Variants in SOCS2 observed in about 807,000 individuals in gnomAD.
SOCS2 encodes suppressor of cytokine signaling 2.
In SOCS2, 10 loss-of-function variants were observed where a neutral mutation model predicts 18.6. The ratio of observed to expected loss-of-function variants is 0.54; its 90% CI spans 0.33 to 0.91. The LOEUF (loss-of-function observed/expected upper bound fraction) is 0.91. SOCS2 is among the 40% of genes least tolerant of loss of function. The pLI, the probability that SOCS2 is intolerant of heterozygous loss-of-function variation, is 0.02. For missense variants in SOCS2, 231 were observed against 247.2 expected (o/e 0.93, Z 0.44); for synonymous variants, 104 against 104.0 (o/e 1.00, Z 0.00).
At chr12:93,614,480 T>G in the SOCS2 span, among the ~76,000 whole-genome samples, 2 of 26,134 alleles carry the variant, frequency 7.7e-5, no homozygotes, top group Non-Finnish European at 1.3e-4. Flanking sequence ...CCTTCCTTCC[T>G]TTCCTTCCTT....
chr12:93,595,308 G>A, the SOCS2 span, among the ~76,000 whole-genome samples: 1 of 152,066 alleles, frequency 6.6e-6, no homozygotes, highest in Non-Finnish European at 1.5e-5. Flanking sequence ...GTACATTTTA[G>A]AATTTTTTCC....
chr12:93,578,601 T>G (rs1030952480), downstream of SOCS2, among the ~76,000 whole-genome samples: 5 of 152,010 alleles, frequency 3.3e-5, no homozygotes, highest in African/African-American at 1.2e-4. Flanking sequence ...ATTTTAAAGC[T>G]TGAAACCACT....
the SOCS2 span, among the ~76,000 whole-genome samples, chr12:93,618,356 G>A: frequency 2.6e-5 from 4 of 152,172 alleles, no homozygotes; most frequent in African/African-American, 7.2e-5. Context: ...GAAGATGATA[G>A]TTTTTAAATA....
Position 93,575,523 on chromosome 12 carries a change from T to C in SOCS2, c.*344T>C, listed in dbSNP as rs76627560. The C allele has an allele frequency of 9.7e-3, 1,560 of 161,244 alleles. 23 individuals carry two copies. The highest frequency in any genetic ancestry group is 0.036 in the African/African-American group (1,489 of 41,652). 10.0% of individuals were successfully genotyped at this position (161,244 alleles called of 1,614,324 possible). On this transcript the variant is annotated 3_prime_UTR_variant, in exon 2 of 2. Coordinates refer to ENST00000551556, the MANE Select transcript of SOCS2 (RefSeq NM_001270471.2). ...ATTATGTCAAAGGTCCAGGCTCCAG[T>C]AGGAGAGAAAGAACTCCTCATAGGA...
At chr12:93,623,277 C>T in the SOCS2 span, among the ~76,000 whole-genome samples, 6 of 152,092 alleles carry the variant, frequency 3.9e-5, no homozygotes, top group African/African-American at 1.2e-4. Context: ...GTAAGACGTG[C>T]CTTGCTTCCC....
the SOCS2 span, among the ~76,000 whole-genome samples, chr12:93,595,300 A>G: frequency 7.2e-5 from 11 of 152,184 alleles, no homozygotes; most frequent in African/African-American, 2.7e-4. Flanking sequence ...AAAAGGAGGT[A>G]CATTTTAGAA....
the SOCS2 span, among the ~76,000 whole-genome samples, chr12:93,608,347 G>A: frequency 1.3e-5 from 2 of 151,976 alleles, no homozygotes; most frequent in Non-Finnish European, 2.9e-5. Context: ...AAATACAGAA[G>A]GATATTTTGA....
upstream of SOCS2, chr12:93,572,374 A>T: frequency 3.1e-6 from 1 of 319,486 alleles, no homozygotes; most frequent in Non-Finnish European, 6.1e-6. This position sits in a 1 kb window ranked among gnomAD's most constrained non-coding sequence, Gnocchi z 5.0. Flanking sequence ...CTGGATCTGC[A>T]GGTGACTATT....
At chr12:93,614,429 C>CCTTCCTT in the SOCS2 span, among the ~76,000 whole-genome samples, 2 of 41,482 alleles carry the variant, frequency 4.8e-5, no homozygotes, top group African/African-American at 1.4e-4. Context: ...TCCTTTCTTT[C>CCTTCCTT]CCTTCCTTCC....
chr12:93,581,170 T>C (rs1341549555), downstream of SOCS2, among the ~76,000 whole-genome samples: 1 of 152,188 alleles, frequency 6.6e-6, no homozygotes, highest in African/African-American at 2.4e-5. Flanking sequence ...GCTCAATCAT[T>C]ATGCATAAAT....
upstream of SOCS2, chr12:93,572,601 A>T (rs1487643846): frequency 1.6e-6 from 1 of 609,140 alleles, no homozygotes; most frequent in African/African-American, 1.8e-5. This position sits in a 1 kb window ranked among gnomAD's most constrained non-coding sequence, Gnocchi z 5.0. Context: ...AGTCCCTGGG[A>T]TTTTCCACGT....
chr12:93,591,417 G>A, the SOCS2 span, among the ~76,000 whole-genome samples: 6 of 152,334 alleles, frequency 3.9e-5, no homozygotes, highest in African/African-American at 1.2e-4. Context: ...GAAAGCGTGT[G>A]TGCGTTCGTG....
the SOCS2 span, among the ~76,000 whole-genome samples, chr12:93,608,794 G>T: frequency 6.6e-6 from 1 of 152,098 alleles, no homozygotes; most frequent in Non-Finnish European, 1.5e-5. Flanking sequence ...CCCACTCGGT[G>T]CAACATCAGT....
chr12:93,602,000 G>A, the SOCS2 span, among the ~76,000 whole-genome samples: 2 of 152,208 alleles, frequency 1.3e-5, no homozygotes, highest in African/African-American at 4.8e-5. Context: ...CTGACAGTGT[G>A]TGACTATAGA....
downstream of SOCS2, among the ~76,000 whole-genome samples, chr12:93,577,286 A>G (rs1484126530): frequency 6.6e-6 from 1 of 152,192 alleles, no homozygotes; most frequent in Non-Finnish European, 1.5e-5. Context: ...TCAATCTTCC[A>G]TATTGCAAGT....
At chr12:93,612,329 G>C in the SOCS2 span, among the ~76,000 whole-genome samples, 1 of 151,446 alleles carries the variant, frequency 6.6e-6, no homozygotes. Flanking sequence ...TCATGCACCT[G>C]TCCTTTGGAG....
the SOCS2 span, among the ~76,000 whole-genome samples, chr12:93,609,916 T>C: frequency 6.6e-6 from 1 of 152,144 alleles, no homozygotes; most frequent in South Asian, 2.1e-4. Context: ...TCTTGCAGTA[T>C]CATCCCATGG....
At chr12:93,589,716 T>C in the SOCS2 span, among the ~76,000 whole-genome samples, 2 of 152,236 alleles carry the variant, frequency 1.3e-5, no homozygotes, top group Non-Finnish European at 2.9e-5. Flanking sequence ...CAGGAACATA[T>C]AGATTTGCAG....
At chr12:93,594,618 A>C in the SOCS2 span, among the ~76,000 whole-genome samples, 2 of 152,068 alleles carry the variant, frequency 1.3e-5, no homozygotes, top group South Asian at 4.1e-4. Context: ...GTTTCTTTAG[A>C]TATAATTCTT....
Sources: allele counts gnomAD v4.1 joint callset (sites outside exome capture counted in the v4.1 genomes callset), GRCh38; gene constraint gnomAD v4.1.1; non-coding constraint Gnocchi (gnomAD v3.1); transcripts MANE v1.5; gene names NCBI Gene and HGNC (gene_info 2026-07-23, HGNC 2026-07-21).